SH3D19: variants seen among roughly 807,000 people sequenced by gnomAD.
SH3D19 encodes SH3 domain containing 19.
A neutral mutation model predicts 112.1 loss-of-function variants in SH3D19; 58 were observed. The observed-to-expected ratio is 0.52, with a 90% CI of 0.42 to 0.64. The LOEUF is 0.64. Ranked by LOEUF, SH3D19 falls within the 30% of genes least tolerant of loss-of-function variation. SH3D19 has a pLI of 0.00. For synonymous variants in SH3D19, 391 were observed against 448.5 expected (o/e 0.87, Z 1.62); for missense variants, 1,090 against 1,263.4 (o/e 0.86, Z 2.08).
At chr4:151,185,598 CTCT>C (rs1268691556) in intron 3 of SH3D19, among the ~76,000 whole-genome samples, 3 of 152,280 alleles carry the variant, frequency 2.0e-5, no homozygotes, top group African/African-American at 7.2e-5. Context: ...TATCTGAATT[CTCT>C]TCATCTCATA....
intron 11 of SH3D19, among the ~76,000 whole-genome samples, chr4:151,146,021 C>G (rs543643283): frequency 3.3e-5 from 5 of 152,306 alleles, no homozygotes; most frequent in African/African-American, 1.2e-4. Context: ...ATTAAGTAAT[C>G]TATCCCAAAG....
At chr4:151,156,989 T>A (rs1326892724) in intron 9 of SH3D19, among the ~76,000 whole-genome samples, 1 of 152,130 alleles carries the variant, frequency 6.6e-6, no homozygotes, top group Non-Finnish European at 1.5e-5. Context: ...AATCTGATTT[T>A]AAAATGGGCA....
rs1016222259 is a variant in SH3D19, at chr4:151,182,996, T to C, written c.194-3599A>G. 2.8e-4 allele frequency among the ~76,000 whole-genome samples: 42 copies of C among 150,676 alleles called. 1 individual carries two copies. The highest frequency in any genetic ancestry group is 1.8e-3 in the Admixed American group (28 of 15,150). ...AGAATTATTTTCAAACTTTTTCTTT[T>C]TTTTTTTCTTTTTGAGCTGGGGTCT... On this transcript the variant is annotated intron_variant, in intron 3 of 19. Transcript: ENST00000604030.
chr4:151,324,147 T>A (rs992853660), intron 1 of SH3D19, among the ~76,000 whole-genome samples: 1 of 152,234 alleles, frequency 6.6e-6, no homozygotes, highest in African/African-American at 2.4e-5. Flanking sequence ...ATTATTTTTA[T>A]GTTCCAAGAT....
At chr4:151,209,882 G>A (rs1258054719) in intron 2 of SH3D19, among the ~76,000 whole-genome samples, 2 of 152,110 alleles carry the variant, frequency 1.3e-5, no homozygotes, top group African/African-American at 4.8e-5. Context: ...TTTGGGACCT[G>A]AAATAAAAAT....
At chr4:151,304,473 T>G (rs1728748468) in intron 1 of SH3D19, among the ~76,000 whole-genome samples, 1 of 152,192 alleles carries the variant, frequency 6.6e-6, no homozygotes, top group Non-Finnish European at 1.5e-5. Flanking sequence ...AAACCAACCT[T>G]ATTCACAAAG....
At chr4:151,235,843 T>C (rs1580294479) in intron 1 of SH3D19, among the ~76,000 whole-genome samples, 1 of 152,206 alleles carries the variant, frequency 6.6e-6, no homozygotes. Context: ...ATCTGGTACC[T>C]AAGCAAAGAC....
chr4:151,214,638 A>AC (rs770627876), intron 2 of SH3D19, among the ~76,000 whole-genome samples: 1 of 19,868 alleles, frequency 5.0e-5, no homozygotes, highest in South Asian at 1.5e-3. Flanking sequence ...CGGGGGGCTG[A>AC]CCCCCCCCAC....
At chr4:151,247,329 G>C (rs1223894178) in intron 1 of SH3D19, among the ~76,000 whole-genome samples, 8 of 152,122 alleles carry the variant, frequency 5.3e-5, no homozygotes, top group African/African-American at 1.9e-4. Flanking sequence ...AGAATAATCT[G>C]TTTCTTAAAA....
At chr4:151,295,625 T>G (rs1456200563) in intron 1 of SH3D19, among the ~76,000 whole-genome samples, 1 of 152,228 alleles carries the variant, frequency 6.6e-6, no homozygotes, top group Non-Finnish European at 1.5e-5. Flanking sequence ...AAGGCTTTAT[T>G]TCCTCTGTCC....
In SH3D19 at chr4:151,226,033, C is replaced by A. The variant is rs1173757001; in HGVS notation, c.152+14G>T. On this transcript the variant is annotated intron_variant, in intron 2 of 19. Coordinates refer to ENST00000604030, the MANE Select transcript of SH3D19 (RefSeq NM_001378122.1). ...AAGCTTTATACAGAATTATTAGATA[C>A]TGTAAATTCATACCTTGAAGAACGA... 1 of 1,229,144 alleles carries A rather than the reference C, an allele frequency of 8.1e-7. No homozygotes were observed. The highest frequency in any genetic ancestry group is 3.2e-5 in the East Asian group (1 of 31,644). 76.1% of individuals were successfully genotyped at this position (1,229,144 alleles called of 1,614,324 possible). A position where few individuals can be genotyped will look rare whatever the true frequency, so the allele number is the denominator to read the frequency against.
intron 9 of SH3D19, among the ~76,000 whole-genome samples, chr4:151,153,157 G>A (rs1755394555): frequency 6.6e-6 from 1 of 151,990 alleles, no homozygotes; most frequent in African/African-American, 2.4e-5. Flanking sequence ...AAAAAAACAG[G>A]TATTTCTCCC....
At chr4:151,206,780 G>A (rs980750667) in intron 2 of SH3D19, among the ~76,000 whole-genome samples, 1 of 152,162 alleles carries the variant, frequency 6.6e-6, no homozygotes, top group African/African-American at 2.4e-5. Flanking sequence ...AACAGGAAGT[G>A]CAGCTGAACT....
Position 151,175,553 on chromosome 4 carries a change from G to C in SH3D19, c.651C>G (p.Asn217Lys). ...GCACTGGACATCTTGTAGCACTGGGGTTTTCTGGACAATTCGGTTCTTCAG... is the reference window on the plus strand; with the variant it reads ...GCACTGGACATCTTGTAGCACTGGGCTTTTCTGGACAATTCGGTTCTTCAG... ...DISEEPNCPENPSATRCPVPK... is the reference protein window; with the variant it reads ...DISEEPNCPEKPSATRCPVPK... The change falls in exon 7 of 20, where the codon AAC becomes AAG. Residue 217 changes from asparagine to lysine, a missense_variant. By Grantham distance (94) the Asn-to-Lys change is moderately conservative. Transcript: ENST00000604030. The C allele has an allele frequency of 7.3e-7, 1 of 1,377,624 alleles. No homozygotes were observed. The highest frequency in any genetic ancestry group is 1.5e-5 in the African/African-American group (1 of 68,112). 85.3% of individuals were successfully genotyped at this position (1,377,624 alleles called of 1,614,324 possible).
chr4:151,287,649 C>T (rs1431444988), intron 1 of SH3D19, among the ~76,000 whole-genome samples: 1 of 152,166 alleles, frequency 6.6e-6, no homozygotes, highest in African/African-American at 2.4e-5. Context: ...AATCCCAGCA[C>T]TTTGAGAGGC....
Position 151,120,793 on chromosome 4 carries a change from G to T in SH3D19, c.*1298C>A, listed in dbSNP as rs564929900. ...AAAAAACAATAAAAGCTAAAATGTG[G>T]TCCAGCATATGAAACTCTTCTCAAA... On this transcript the variant is annotated 3_prime_UTR_variant, in exon 20 of 20. Coordinates refer to ENST00000604030, the MANE Select transcript of SH3D19 (RefSeq NM_001378122.1). 6.6e-6 allele frequency: 1 copy of T among 152,648 alleles called. No individual in the cohort carries two copies. Among genetic ancestry groups the T allele is most frequent in the East Asian group, 1.9e-4 (1 of 5,192 alleles). The allele number at this position is 152,648 out of a possible 1,614,324, so 9.5% of individuals were successfully genotyped here.
At chr4:151,228,542 A>ACAAG (rs34463057) in intron 1 of SH3D19, among the ~76,000 whole-genome samples, 1 of 151,666 alleles carries the variant, frequency 6.6e-6, no homozygotes, top group Non-Finnish European at 1.5e-5. Context: ...TACATTTTAA[A>ACAAG]GTAATTTTCA....
intron 3 of SH3D19, among the ~76,000 whole-genome samples, chr4:151,186,455 C>T (rs867409043): frequency 2.0e-5 from 3 of 152,294 alleles, no homozygotes; most frequent in African/African-American, 4.8e-5. Context: ...TTCTTTGAGA[C>T]AGAGTTTTGC....
At chr4:151,280,023 A>G in intron 1 of SH3D19, 1 of 995,960 alleles carries the variant, frequency 1.0e-6, no homozygotes, top group Non-Finnish European at 1.4e-6. Flanking sequence ...CACTTCATGA[A>G]TGAACCAAAA....
Sources: gnomAD v4.1 joint callset for allele counts (sites outside exome capture counted in the v4.1 genomes callset) on GRCh38, gnomAD v4.1.1 for gene constraint, MANE v1.5 for transcripts, NCBI Gene and HGNC (gene_info 2026-07-23, HGNC 2026-07-21) for gene names.